The following KIAA1671 variants were observed in gnomAD, a reference collection of about 807,000 sequenced individuals.
The protein encoded by KIAA1671 is uncharacterized protein KIAA1671.
Under a neutral mutation model 131.2 loss-of-function variants are expected in KIAA1671, and 52 were observed. The ratio of observed to expected loss-of-function variants is 0.40; its 90% CI spans 0.32 to 0.50. The LOEUF (loss-of-function observed/expected upper bound fraction) is 0.50. KIAA1671 is among the 20% of genes least tolerant of loss of function. The probability of loss-of-function intolerance (pLI) is 0.73; values close to 1 mark genes in which losing one functional copy is unlikely to be tolerated. For synonymous variants in KIAA1671, 1,003 were observed against 961.6 expected, an observed-to-expected ratio of 1.04 and a Z score of -0.80; for missense variants, 2,360 against 2,364.2, an observed-to-expected ratio of 1.00 and a Z score of 0.04.
chr22:25,190,600 C>G (rs1934640733), intron 11 of KIAA1671, 102 bp from the exon 12 acceptor site: 1 of 969,320 alleles, frequency 1.0e-6, no homozygotes. Flanking sequence ...TGCCCCAACC[C>G]CGCCTGGGCC....
At chr22:25,037,639 T>C (rs1224669979) in intron 4 of KIAA1671, among the ~76,000 whole-genome samples, 1 of 152,036 alleles carries the variant, frequency 6.6e-6, no homozygotes, top group East Asian at 1.9e-4. Context: ...ATGGAAACCT[T>C]GTGTCCTCGT....
At chr22:25,020,571 G>C (rs1021762542) in intron 1 of KIAA1671, among the ~76,000 whole-genome samples, 3 of 152,136 alleles carry the variant, frequency 2.0e-5, no homozygotes, top group African/African-American at 7.2e-5. Flanking sequence ...CAGTCTAGTG[G>C]AGGAAACAGA....
chr22:24,991,662 C>T (rs560305723), intron 1 of KIAA1671, among the ~76,000 whole-genome samples: 65 of 143,746 alleles, frequency 4.5e-4, no homozygotes, highest in Non-Finnish European at 7.5e-4. Flanking sequence ...AGGGTTTTAC[C>T]GTGTTAGCCA....
At chr22:25,142,408 T>G (rs1157569998) in intron 6 of KIAA1671, among the ~76,000 whole-genome samples, 1 of 152,068 alleles carries the variant, frequency 6.6e-6, no homozygotes. Context: ...CACAGTAGAG[T>G]CACAGCTCTG....
intron 7 of KIAA1671, among the ~76,000 whole-genome samples, chr22:25,171,411 C>A (rs1386137707): frequency 6.7e-6 from 1 of 148,458 alleles, no homozygotes; most frequent in East Asian, 2.0e-4. Context: ...CTCAAAAAAA[C>A]AAACAAAAAA....
chr22:25,017,888 T>G (rs1368588796), intron 1 of KIAA1671, among the ~76,000 whole-genome samples: 1 of 152,114 alleles, frequency 6.6e-6, no homozygotes, highest in Non-Finnish European at 1.5e-5. Flanking sequence ...ACCTCCCATT[T>G]TTAGAAAGTT....
chr22:25,045,085 C>T (rs1453245099), intron 5 of KIAA1671, among the ~76,000 whole-genome samples: 4 of 151,910 alleles, frequency 2.6e-5, no homozygotes, highest in South Asian at 4.2e-4. Context: ...GGCGTGAACC[C>T]GGGAGGCGGA....
intron 6 of KIAA1671, among the ~76,000 whole-genome samples, chr22:25,100,068 T>C (rs1601312978): frequency 6.6e-6 from 1 of 152,154 alleles, no homozygotes; most frequent in South Asian, 2.1e-4. Flanking sequence ...GGATTTTGAG[T>C]TGGTCTTTCC....
chr22:25,090,272 A>G (rs1282586372), intron 6 of KIAA1671, among the ~76,000 whole-genome samples: 2 of 152,234 alleles, frequency 1.3e-5, no homozygotes, highest in African/African-American at 2.4e-5. Context: ...CAGTCCCTGA[A>G]GTTCCAGTCT....
chr22:25,168,197 G>T (rs1438178063), intron 6 of KIAA1671, among the ~76,000 whole-genome samples: 1 of 152,206 alleles, frequency 6.6e-6, no homozygotes, highest in Non-Finnish European at 1.5e-5. Flanking sequence ...TGCGTGCCAG[G>T]CAGGCTCCAA....
chr22:24,984,593 CTTA>C (rs1923417250), intron 1 of KIAA1671, among the ~76,000 whole-genome samples: 1 of 152,116 alleles, frequency 6.6e-6, no homozygotes, highest in Non-Finnish European at 1.5e-5. Flanking sequence ...AATTAATTCC[CTTA>C]TATGTGTGAG....
chr22:25,135,385 A>G (rs1178474621), intron 6 of KIAA1671, among the ~76,000 whole-genome samples: 4 of 152,244 alleles, frequency 2.6e-5, no homozygotes, highest in Admixed American at 2.6e-4. Context: ...ACGGGGTTTC[A>G]CTGTGTTAGC....
intron 1 of KIAA1671, among the ~76,000 whole-genome samples, chr22:24,960,802 T>C (rs1349292185): frequency 6.6e-6 from 1 of 151,810 alleles, no homozygotes; most frequent in African/African-American, 2.4e-5. Flanking sequence ...AACGTTGAAA[T>C]GACCTGCCCA....
chr22:24,967,718 C>T (rs924031106), intron 1 of KIAA1671, among the ~76,000 whole-genome samples: 7 of 152,158 alleles, frequency 4.6e-5, no homozygotes, highest in Non-Finnish European at 7.3e-5. Context: ...GAGGGCCGGG[C>T]GCGGTGGCTC....
At chr22:25,099,365 C>G (rs1543323) in intron 6 of KIAA1671, among the ~76,000 whole-genome samples, 40 of 152,138 alleles carry the variant, frequency 2.6e-4, no homozygotes, top group African/African-American at 8.9e-4. Flanking sequence ...GGAGCCCTGC[C>G]CTAAACCGTG....
intron 4 of KIAA1671, among the ~76,000 whole-genome samples, chr22:25,038,528 G>A (rs1926736395): frequency 1.3e-5 from 2 of 152,196 alleles, no homozygotes; most frequent in Admixed American, 1.3e-4. Flanking sequence ...TTTAACATCA[G>A]GATAGATACA....
chr22:25,127,024 T>C (rs1009961102), intron 6 of KIAA1671, among the ~76,000 whole-genome samples: 2 of 152,224 alleles, frequency 1.3e-5, no homozygotes, highest in African/African-American at 2.4e-5. Context: ...GAGGTTGTGG[T>C]GTGACCTCTT....
intron 11 of KIAA1671, among the ~76,000 whole-genome samples, chr22:25,189,334 G>A (rs144499895): frequency 0.013 from 1,917 of 151,612 alleles, 39 homozygotes; most frequent in African/African-American, 0.044. Context: ...CACCACACCC[G>A]GCTAATTTTT....
chr22:25,072,016 G>A (rs922081673), intron 6 of KIAA1671, among the ~76,000 whole-genome samples: 2 of 152,194 alleles, frequency 1.3e-5, no homozygotes, highest in African/African-American at 4.8e-5. Context: ...GCCTCCCCAA[G>A]GAAGCTGAGT....
Sources: allele counts gnomAD v4.1 joint callset (sites outside exome capture counted in the v4.1 genomes callset), GRCh38; gene constraint gnomAD v4.1.1; transcripts MANE v1.5; gene names NCBI Gene and HGNC (gene_info 2026-07-23, HGNC 2026-07-21).